ZNF679: variants seen among roughly 807,000 people sequenced by gnomAD.
ZNF679 encodes zinc finger protein 679.
ZNF679 carries 10 observed loss-of-function variants against 13.4 expected under a neutral mutation model. That is an observed-to-expected ratio of 0.75 (90% CI 0.46 to 1.27). ZNF679 has a LOEUF of 1.27. Ranked by LOEUF, ZNF679 falls within the 50% of genes most tolerant of loss-of-function variation. The pLI is 0.00. For synonymous variants in ZNF679, 179 were observed against 162.5 expected (o/e 1.10, Z -0.77); for missense variants, 525 against 477.8 (o/e 1.10, Z -0.92).
At chr7:64,234,458 G>A (rs925643979) in intron 1 of ZNF679, among the ~76,000 whole-genome samples, 4 of 152,132 alleles carry the variant, frequency 2.6e-5, no homozygotes, top group Admixed American at 1.3e-4. Context: ...AGTAAAATGT[G>A]GGGGGACATC....
chr7:64,256,570 A>C (rs1385889619), intron 2 of ZNF679, among the ~76,000 whole-genome samples: 1 of 54,242 alleles, frequency 1.8e-5, no homozygotes, highest in Non-Finnish European at 4.9e-5. Context: ...CAACCTCACA[A>C]GCATCTGTTG....
At chr7:64,243,681 A>G (rs542673144) in intron 1 of ZNF679, among the ~76,000 whole-genome samples, 3 of 152,310 alleles carry the variant, frequency 2.0e-5, no homozygotes, top group African/African-American at 7.2e-5. Context: ...CAGGAGTCAC[A>G]TTATCTAGGC....
chr7:64,236,969 GAA>G (rs747350723), intron 1 of ZNF679, among the ~76,000 whole-genome samples: 24 of 33,614 alleles, frequency 7.1e-4, no homozygotes, highest in African/African-American at 1.2e-3. Flanking sequence ...AAGAAAGAAA[GAA>G]AGAAAAAGAA....
In ZNF679 at chr7:64,236,999, GAA is replaced by G. The variant is rs200081635; in HGVS notation, c.-91+8351_-91+8352del. Among the ~76,000 whole-genome samples, 203 of 44,562 alleles carry G rather than the reference GAA, an allele frequency of 4.6e-3. 15 individuals carry two copies. The East Asian group carries it at 0.053, about 12-fold the overall frequency. 29.2% of individuals were successfully genotyped at this position (44,562 alleles called of 152,430 possible). A position where few individuals can be genotyped will look rare whatever the true frequency, so the allele number is the denominator to read the frequency against. On this transcript the variant is annotated intron_variant, in intron 1 of 4. Transcript: ENST00000421025. ...AAAAAGAAAGAAAGAAAGAAAGAAA[GAA>G]AAAGAAAGAAAGAAAGAAAGAAACC...
At chr7:64,265,539 C>T (rs1008887893) in intron 4 of ZNF679, among the ~76,000 whole-genome samples, 1 of 152,070 alleles carries the variant, frequency 6.6e-6, no homozygotes, top group Non-Finnish European at 1.5e-5. Context: ...ATATAGGTGC[C>T]AGTATTTTTC....
At chr7:64,238,151 C>G (rs370542964) in intron 1 of ZNF679, among the ~76,000 whole-genome samples, 64 of 152,078 alleles carry the variant, frequency 4.2e-4, no homozygotes, top group African/African-American at 1.5e-3. Context: ...TCCCCCAGAC[C>G]CTTGGACTCT....
Position 64,266,478 on chromosome 7 carries a change from C to A in ZNF679, c.845C>A (p.Thr282Lys). 1 of 1,613,632 alleles carries A rather than the reference C, an allele frequency of 6.2e-7. No homozygotes were observed. The highest frequency in any genetic ancestry group is 8.5e-7 in the Non-Finnish European group (1 of 1,179,816). ...ECGQAFSRSS[T>K]LANHKRIHTG... ...GGCCAAGCCTTTAGCCGCTCCTCAA[C>A]ACTTGCTAACCACAAGAGAATTCAT... is the stretch of plus-strand genomic sequence containing the variant. The change falls in exon 5 of 5, where the codon ACA becomes AAA. Residue 282 changes from threonine to lysine, a missense_variant. Physicochemically the swap from Thr to Lys is moderately conservative, Grantham distance 78. Transcript: ENST00000421025.
intron 2 of ZNF679, among the ~76,000 whole-genome samples, chr7:64,251,480 CAG>C (rs1479131377): frequency 6.6e-6 from 1 of 151,946 alleles, no homozygotes; most frequent in Non-Finnish European, 1.5e-5. Flanking sequence ...AGAGAAAAGG[CAG>C]AGAGTAATCC....
chr7:64,264,781 A>C (rs1447535304), intron 4 of ZNF679, among the ~76,000 whole-genome samples: 1 of 151,998 alleles, frequency 6.6e-6, no homozygotes, highest in Non-Finnish European at 1.5e-5. Context: ...TATAGCTCCC[A>C]AGATTGTCTT....
intron 1 of ZNF679, among the ~76,000 whole-genome samples, chr7:64,235,815 AG>A (rs1787702942): frequency 1.3e-5 from 2 of 149,488 alleles, no homozygotes; most frequent in Non-Finnish European, 3.0e-5. Context: ...AGAAAGAAAG[AG>A]ACAGAGAGAG....
At chr7:64,250,609 G>A (rs997889930) in intron 2 of ZNF679, among the ~76,000 whole-genome samples, 2 of 150,976 alleles carry the variant, frequency 1.3e-5, no homozygotes, top group African/African-American at 4.9e-5. Flanking sequence ...TTTTTTTTGA[G>A]ACGGAGCCCC....
intron 1 of ZNF679, among the ~76,000 whole-genome samples, chr7:64,241,134 A>G (rs530542360): frequency 1.3e-5 from 2 of 152,162 alleles, no homozygotes; most frequent in Non-Finnish European, 2.9e-5. Context: ...GGGCTCTATT[A>G]TGGCACTCTG....
chr7:64,230,527 G>A (rs1787623018), intron 1 of ZNF679, among the ~76,000 whole-genome samples: 5 of 145,648 alleles, frequency 3.4e-5, no homozygotes, highest in African/African-American at 5.1e-5. Flanking sequence ...GCGACAGAGC[G>A]AGACTCCGTC....
chr7:64,228,981 T>G (rs993807130), intron 1 of ZNF679, among the ~76,000 whole-genome samples: 16 of 152,008 alleles, frequency 1.1e-4, no homozygotes, highest in Non-Finnish European at 2.1e-4. Context: ...GTTATGACAC[T>G]CTTTGTACCA....
intron 4 of ZNF679, among the ~76,000 whole-genome samples, chr7:64,261,726 T>C (rs541439548): frequency 6.6e-5 from 10 of 152,258 alleles, no homozygotes; most frequent in Non-Finnish European, 8.8e-5. Flanking sequence ...TAAAGTAATT[T>C]TGTTTTGTAT....
intron 4 of ZNF679, among the ~76,000 whole-genome samples, chr7:64,264,061 A>G (rs1250266579): frequency 6.6e-6 from 1 of 152,074 alleles, no homozygotes; most frequent in Non-Finnish European, 1.5e-5. Context: ...ATATATACTT[A>G]TACATATAGA....
chr7:64,247,268 C>T (rs1787881665), intron 1 of ZNF679, among the ~76,000 whole-genome samples: 1 of 152,114 alleles, frequency 6.6e-6, no homozygotes, highest in African/African-American at 2.4e-5. Flanking sequence ...CTTAGAATGC[C>T]CGACCTCATG....
At chr7:64,230,010 A>G (rs537995149) in intron 1 of ZNF679, among the ~76,000 whole-genome samples, 83 of 152,254 alleles carry the variant, frequency 5.5e-4, no homozygotes, top group African/African-American at 1.7e-3. Flanking sequence ...CACAATTCCC[A>G]CTGTCGGCAT....
chr7:64,241,578 C>T (rs149717061), intron 1 of ZNF679, among the ~76,000 whole-genome samples: 39 of 152,324 alleles, frequency 2.6e-4, no homozygotes, highest in African/African-American at 9.1e-4. Flanking sequence ...AGGGTTCAGG[C>T]AGGAAAGAAG....
Sources: gnomAD v4.1 joint callset for allele counts (sites outside exome capture counted in the v4.1 genomes callset) on GRCh38, gnomAD v4.1.1 for gene constraint, MANE v1.5 for transcripts, NCBI Gene and HGNC (gene_info 2026-07-23, HGNC 2026-07-21) for gene names.